STIL: variants seen among roughly 807,000 people sequenced by gnomAD.
STIL encodes the protein SCL-interrupting locus protein.
In STIL, 55 loss-of-function variants were observed where a neutral mutation model predicts 110.1. That is an observed-to-expected ratio of 0.50 (90% CI 0.40 to 0.63). The LOEUF (loss-of-function observed/expected upper bound fraction) is 0.63, where lower values mean the gene tolerates loss of function less well. STIL is among the 20% of genes least tolerant of loss of function. The pLI, the probability that STIL is intolerant of heterozygous loss-of-function variation, is 0.00. For synonymous variants in STIL, 481 were observed against 530.0 expected (o/e 0.91, Z 1.27); for missense variants, 1,358 against 1,530.0 (o/e 0.89, Z 1.87).
chr1:47,304,145 C>T (rs909254097), intron 3 of STIL, among the ~76,000 whole-genome samples: 1 of 151,016 alleles, frequency 6.6e-6, no homozygotes, highest in Non-Finnish European at 1.5e-5. Flanking sequence ...CCAATTATTG[C>T]ACCGTTTTTT....
intron 2 of STIL, 34 bp from the exon 3 acceptor site, chr1:47,305,030 G>C (rs1282213475): frequency 6.7e-7 from 1 of 1,493,094 alleles, no homozygotes; most frequent in Non-Finnish European, 9.3e-7. Flanking sequence ...TAAAGCACAA[G>C]GAATAGCAAA....
At chr1:47,263,972 C>T (rs796709893) in intron 14 of STIL, among the ~76,000 whole-genome samples, 22 of 152,080 alleles carry the variant, frequency 1.4e-4, no homozygotes, top group African/African-American at 4.6e-4. Context: ...AGGCTGGTCT[C>T]GAACTCCTGA....
intron 12 of STIL, among the ~76,000 whole-genome samples, chr1:47,279,088 G>C (rs1227681715): frequency 6.6e-6 from 1 of 152,044 alleles, no homozygotes; most frequent in Non-Finnish European, 1.5e-5. Flanking sequence ...ACAAGGTCAG[G>C]AGATCGAGAC....
At chr1:47,270,823 T>A (rs577585846) in intron 13 of STIL, among the ~76,000 whole-genome samples, 2 of 151,794 alleles carry the variant, frequency 1.3e-5, no homozygotes, top group East Asian at 3.9e-4. Flanking sequence ...GGACTGCAGG[T>A]GTGCGCCACC....
chr1:47,276,486 A>G (rs573693031), intron 12 of STIL, among the ~76,000 whole-genome samples: 1 of 152,014 alleles, frequency 6.6e-6, no homozygotes, highest in East Asian at 1.9e-4. Flanking sequence ...ATAATAATCA[A>G]TTACATATGT....
intron 16 of STIL, among the ~76,000 whole-genome samples, chr1:47,256,810 C>T (rs781094310): frequency 1.3e-5 from 2 of 151,900 alleles, no homozygotes; most frequent in African/African-American, 4.8e-5. Context: ...GCCTGACTAA[C>T]ATGGAGAAAC....
At chr1:47,267,471 G>A (rs951242294) in intron 14 of STIL, among the ~76,000 whole-genome samples, 5 of 151,784 alleles carry the variant, frequency 3.3e-5, no homozygotes, top group Non-Finnish European at 7.4e-5. Flanking sequence ...TTGAAAGGCC[G>A]AGGCAGGTGG....
In STIL at chr1:47,280,784, A is replaced by C; in HGVS notation, c.1674T>G (p.Leu558=). The C allele has an allele frequency of 6.2e-7, 1 of 1,614,068 alleles. No homozygotes were observed. The change falls in exon 12 of 17, where the codon CTT becomes CTG. Residue 558 remains leucine, a synonymous_variant. Transcript: ENST00000371877. ...GGGCAAGAGAAGACTGCCTAGAATT[A>C]AGTGTGGAGGGTCTTATAGGATACT... ...NEEYPIRPST[L]NSRQSSLAPQ... is the part of the protein sequence containing the mutation.
Position 47,280,644 on chromosome 1 carries a change from C to T in STIL, c.1814G>A (p.Cys605Tyr). Residue 605 changes from cysteine (C) to tyrosine (Y), a missense_variant, in exon 12 of 17, where the codon TGT becomes TAT. Transcript: ENST00000371877. ...TTGAATATGACTATGATGCTGACAA[C>T]ACCTGCAAACGTTTGTGGAACAGTA... Reference protein sequence around the residue: ...PSYCSTNVCRCCQHHSHIQYS... With the variant: ...PSYCSTNVCRYCQHHSHIQYS... 1 of 1,614,224 alleles carries T rather than the reference C, an allele frequency of 6.2e-7. No homozygotes were observed. Among genetic ancestry groups the T allele is most frequent in the African/African-American group, 1.3e-5 (1 of 75,046 alleles).
Position 47,280,728 on chromosome 1 carries a change from G to A in STIL, c.1730C>T (p.Ser577Leu). The A allele has an allele frequency of 1.2e-6, 2 of 1,614,024 alleles. No homozygotes were observed. Among genetic ancestry groups the A allele is most frequent in the African/African-American group, 1.3e-5 (1 of 75,042 alleles). Reference protein sequence around the residue: ...PQSQPHDFVFSPHNSGRPMEL... With the variant: ...PQSQPHDFVFLPHNSGRPMEL... ...CATTGGTCTTCCTGAATTATGGGGT[G>A]AAAAAACAAAATCGTGTGGTTGGGA... The change falls in exon 12 of 17, where the codon TCA becomes TTA. Residue 577 changes from serine (S) to leucine (L), a missense_variant. Coordinates refer to ENST00000371877, the MANE Select transcript of STIL (RefSeq NM_001048166.1).
chr1:47,284,946 G>C (rs1645253043), intron 10 of STIL, among the ~76,000 whole-genome samples: 2 of 150,564 alleles, frequency 1.3e-5, no homozygotes, highest in Non-Finnish European at 3.0e-5. Flanking sequence ...TCTGCCAGCA[G>C]GCTGCCTTTG....
intron 3 of STIL, among the ~76,000 whole-genome samples, chr1:47,302,677 C>T (rs577724472): frequency 6.6e-6 from 1 of 152,172 alleles, no homozygotes; most frequent in Non-Finnish European, 1.5e-5. Flanking sequence ...CAGATATAAT[C>T]AGCATTACAG....
chr1:47,291,068 T>C (rs916058489), intron 8 of STIL, among the ~76,000 whole-genome samples: 1 of 151,902 alleles, frequency 6.6e-6, no homozygotes, highest in Non-Finnish European at 1.5e-5. Context: ...CTATTTAAAT[T>C]GCAACTCTTG....
At chr1:47,312,493 A>T (rs1292184144) in intron 1 of STIL, among the ~76,000 whole-genome samples, 1 of 152,170 alleles carries the variant, frequency 6.6e-6, no homozygotes, top group Non-Finnish European at 1.5e-5. Context: ...TCTTAGAAAT[A>T]TCTGGACTTA....
chr1:47,262,540 T>A (rs766490849), intron 15 of STIL, among the ~76,000 whole-genome samples: 1 of 152,216 alleles, frequency 6.6e-6, no homozygotes, highest in Non-Finnish European at 1.5e-5. Flanking sequence ...TAATAAACAT[T>A]GGCTTACCTG....
intron 5 of STIL, 48 bp downstream of exon 5, chr1:47,301,513 G>A (rs988435185): frequency 1.4e-5 from 22 of 1,521,884 alleles, no homozygotes; most frequent in Non-Finnish European, 1.6e-5. Context: ...ACTAAACATA[G>A]TTTGATTCTT....
At chr1:47,312,459 A>C (rs56987466) in intron 1 of STIL, among the ~76,000 whole-genome samples, 26,345 of 152,226 alleles carry the variant, frequency 0.17, 2,912 homozygotes, top group East Asian at 0.53. Flanking sequence ...TCTCAAAAAA[A>C]AAAAAAGGTG....
At position 47,280,975 on chromosome 1, in the gene STIL, C is replaced by T. The variant is rs1645142513; in HGVS notation, c.1483G>A (p.Asp495Asn). 6.2e-7 allele frequency: 1 copy of T among 1,613,894 alleles called. No homozygotes were observed. The change falls in exon 12 of 17, where the codon GAT becomes AAT. Residue 495 changes from aspartate to asparagine, a missense_variant. By Grantham distance (23) the Asp-to-Asn change is conservative (BLOSUM62 1). Coordinates refer to ENST00000371877, the MANE Select transcript of STIL (RefSeq NM_001048166.1). The stretch of plus-strand genomic sequence containing the variant: ...CAGTGTCTCAAAAGAGCTGGTTTAT[C>T]CTGGTTTAACTGATTTGGTATTCCT... The part of the protein sequence containing the change: ...LRGIPNQLNQ[D>N]KPALLRHCKV...
At chr1:47,265,395 T>C (rs945309272) in intron 14 of STIL, among the ~76,000 whole-genome samples, 5 of 152,130 alleles carry the variant, frequency 3.3e-5, no homozygotes, top group East Asian at 3.8e-4. Flanking sequence ...GTTTCTATAA[T>C]TATTCTAAAT....
Sources: gnomAD v4.1 joint callset for allele counts (sites outside exome capture counted in the v4.1 genomes callset) on GRCh38, gnomAD v4.1.1 for gene constraint, MANE v1.5 for transcripts, NCBI Gene and HGNC (gene_info 2026-07-23, HGNC 2026-07-21) for gene names.